KLHL3: variants seen among roughly 807,000 people sequenced by gnomAD.
KLHL3 encodes the protein kelch like family member 3.
KLHL3 carries 19 observed loss-of-function variants against 70.5 expected under a neutral mutation model. The observed-to-expected ratio is 0.27, with a 90% CI of 0.19 to 0.40. KLHL3 has a LOEUF of 0.40. KLHL3 is among the 10% of genes least tolerant of loss of function. The pLI is 1.00. For synonymous variants in KLHL3, 258 were observed against 290.3 expected (o/e 0.89, Z 1.13); for missense variants, 512 against 771.1 (o/e 0.66, Z 3.98).
At chr5:137,685,671 T>C (rs1417012276) in intron 5 of KLHL3, among the ~76,000 whole-genome samples, 1 of 152,202 alleles carries the variant, frequency 6.6e-6, no homozygotes, top group Non-Finnish European at 1.5e-5. Context: ...ATTCAGAATA[T>C]ACTGCTAAGA....
chr5:137,684,614 C>T (rs761840690), intron 5 of KLHL3, among the ~76,000 whole-genome samples: 4 of 152,200 alleles, frequency 2.6e-5, no homozygotes, highest in Non-Finnish European at 4.4e-5. Context: ...GTCCCATTAA[C>T]ATCCCTCCCA....
chr5:137,627,474 A>ACCCCCCCCCC lies in KLHL3; in HGVS notation c.1591+822_1591+823insGGGGGGGGGG, dbSNP rs1215063936. On this transcript the variant is annotated intron_variant, in intron 13 of 14. Transcript: ENST00000309755. ...GGCAATGAGTAAATTAGTAAATATC[A>ACCCCCCCCCC]CCACCCCCCCCCCCGGTTTACACTT... 2.6e-4 allele frequency among the ~76,000 whole-genome samples: 14 copies of ACCCCCCCCCC among 53,108 alleles called. 5 individuals are homozygous for ACCCCCCCCCC. Among genetic ancestry groups the ACCCCCCCCCC allele is most frequent in the Non-Finnish European group, 4.4e-4 (10 of 22,954 alleles). The allele number at this position is 53,108 out of a possible 152,430, so 34.8% of individuals were successfully genotyped here. A position where few individuals can be genotyped will look rare whatever the true frequency, so the allele number is the denominator to read the frequency against.
intron 12 of KLHL3, among the ~76,000 whole-genome samples, chr5:137,633,078 AG>A (rs1398275253): frequency 6.6e-6 from 1 of 152,090 alleles, no homozygotes; most frequent in Non-Finnish European, 1.5e-5. Context: ...CAGGAGATTG[AG>A]ACCATCCTGG....
chr5:137,684,681 C>T (rs1752120403), intron 5 of KLHL3, among the ~76,000 whole-genome samples: 1 of 152,220 alleles, frequency 6.6e-6, no homozygotes, highest in Non-Finnish European at 1.5e-5. Context: ...AACAAAGTCC[C>T]CATAACCCTA....
chr5:137,707,129 A>G (rs975012116), intron 3 of KLHL3, among the ~76,000 whole-genome samples: 11 of 152,172 alleles, frequency 7.2e-5, no homozygotes, highest in African/African-American at 2.7e-4. Flanking sequence ...AAAAAAAAAT[A>G]CATACATCAA....
At chr5:137,653,259 AT>A (rs1002582447) in intron 8 of KLHL3, among the ~76,000 whole-genome samples, 2 of 152,206 alleles carry the variant, frequency 1.3e-5, no homozygotes, top group South Asian at 2.1e-4. Flanking sequence ...CAAAAAAAAA[AT>A]AATAATTAAT....
At chr5:137,628,266 C>A (rs201994104) in intron 13 of KLHL3, 31 bp downstream of exon 13, 51 of 1,612,852 alleles carry the variant, frequency 3.2e-5, no homozygotes, top group Admixed American at 3.3e-5. Context: ...CACACAACCC[C>A]CAAAGGGGAG....
chr5:137,729,154 T>C (rs942731021), intron 1 of KLHL3, among the ~76,000 whole-genome samples: 1 of 152,116 alleles, frequency 6.6e-6, no homozygotes, highest in Non-Finnish European at 1.5e-5. Flanking sequence ...CATGAGCTGA[T>C]ACTGGCCACA....
chr5:137,709,730 A>C lies in KLHL3; in HGVS notation c.241+20T>G, dbSNP rs763370782. On this transcript the variant is annotated intron_variant, in intron 3 of 14. Transcript: ENST00000309755. Reference sequence around the variant, plus strand: ...GCTGCAGCCCCATAACCATGGGTTAATGGTGGCCACTCACCATACCTGTGA... The same window carrying C: ...GCTGCAGCCCCATAACCATGGGTTACTGGTGGCCACTCACCATACCTGTGA... The C allele has an allele frequency of 2.6e-5, 41 of 1,586,810 alleles. No individual in the cohort carries two copies. In the Admixed American group the frequency reaches 6.7e-4, roughly 26 times the overall value.
In KLHL3 at chr5:137,654,230, A is replaced by G. The variant is rs757217002; in HGVS notation, c.903+3901T>C. Reference sequence around the variant, plus strand: ...TCACATTGTATCTCTAAAAAGTGTGAATTTTACTGCATATAAATTATTATA... The same window carrying G: ...TCACATTGTATCTCTAAAAAGTGTGGATTTTACTGCATATAAATTATTATA... On this transcript the variant is annotated intron_variant, in intron 8 of 14. Transcript: ENST00000309755. 2.6e-5 allele frequency among the ~76,000 whole-genome samples: 4 copies of G among 152,236 alleles called. 1 individual carries two copies. Among genetic ancestry groups the G allele is most frequent in the Admixed American group, 2.6e-4 (4 of 15,284 alleles).
In KLHL3 at chr5:137,639,850, G is replaced by A; in HGVS notation, c.1021+10C>T. 1.2e-6 allele frequency: 2 copies of A among 1,603,252 alleles called. No individual in the cohort carries two copies. Among genetic ancestry groups the A allele is most frequent in the Non-Finnish European group, 1.7e-6 (2 of 1,170,110 alleles). On this transcript the variant is annotated intron_variant, in intron 9 of 14. Transcript: ENST00000309755. The surrounding 1 kb of genome is among the most constrained non-coding windows in gnomAD (Gnocchi z 5.0). ...GGAAAAACAGCTTGCAGAACTGGGA[G>A]GCTGCTCACCTGCTCTGCATCTTCT...
intron 6 of KLHL3, among the ~76,000 whole-genome samples, chr5:137,672,186 A>G (rs1403839672): frequency 6.6e-6 from 1 of 152,244 alleles, no homozygotes; most frequent in Non-Finnish European, 1.5e-5. Flanking sequence ...GGCTGCCAAC[A>G]GCTCGGCCTA....
At position 137,692,313 on chromosome 5, in the gene KLHL3, G is replaced by A. The variant is rs535430611; in HGVS notation, c.498C>T (p.Asp166=). ...RAFADVHTCT[D]LLQQANAYAE... ...CGTAGGCATTGGCCTGCTGCAGAAG[G>A]TCAGTGCAGGTGTGTACATCTGCAA... The change falls in exon 5 of 15, where the codon GAC becomes GAT. Residue 166 remains aspartate (D), a synonymous_variant. Coordinates refer to ENST00000309755, the MANE Select transcript of KLHL3 (RefSeq NM_017415.3). 5.6e-6 allele frequency: 9 copies of A among 1,613,134 alleles called. No homozygotes were observed. The South Asian group carries it at 9.9e-5, about 18-fold the overall frequency.
At chr5:137,678,752 G>C (rs1751949149) in intron 5 of KLHL3, among the ~76,000 whole-genome samples, 1 of 151,866 alleles carries the variant, frequency 6.6e-6, no homozygotes, top group Non-Finnish European at 1.5e-5. Context: ...CCTTCATCCA[G>C]ATTCCCTAAA....
chr5:137,727,314 C>T (rs189594408), intron 1 of KLHL3, among the ~76,000 whole-genome samples: 173 of 152,214 alleles, frequency 1.1e-3, no homozygotes, highest in Non-Finnish European at 1.3e-3. Flanking sequence ...TTCCTTCTCA[C>T]TTTCGCTACC....
intron 5 of KLHL3, among the ~76,000 whole-genome samples, chr5:137,678,819 G>A (rs1419883525): frequency 2.1e-5 from 3 of 142,824 alleles, no homozygotes; most frequent in East Asian, 2.2e-4. Context: ...ATCTTCCACT[G>A]GACAAAAAGG....
intron 8 of KLHL3, among the ~76,000 whole-genome samples, chr5:137,654,709 C>A (rs1162196505): frequency 1.3e-5 from 2 of 152,192 alleles, no homozygotes; most frequent in Non-Finnish European, 2.9e-5. Context: ...TTCTTTCTTT[C>A]TTTAACAGAT....
intron 2 of KLHL3, among the ~76,000 whole-genome samples, chr5:137,719,227 C>T (rs1158573111): frequency 6.6e-6 from 1 of 152,244 alleles, no homozygotes; most frequent in Non-Finnish European, 1.5e-5. Context: ...CCTATTTGTA[C>T]TATAGAAAGA....
chr5:137,693,921 C>T (rs184354892), intron 4 of KLHL3, among the ~76,000 whole-genome samples: 1 of 151,862 alleles, frequency 6.6e-6, no homozygotes, highest in Admixed American at 6.6e-5. Flanking sequence ...AGCTCTGAGT[C>T]CTCAGCTCTG....
Sources: gnomAD v4.1 joint callset for allele counts (sites outside exome capture counted in the v4.1 genomes callset) on GRCh38, gnomAD v4.1.1 for gene constraint, Gnocchi (gnomAD v3.1) non-coding constraint, MANE v1.5 for transcripts, NCBI Gene and HGNC (gene_info 2026-07-23, HGNC 2026-07-21) for gene names.